C1orf21: variants seen among roughly 807,000 people sequenced by gnomAD.
C1orf21 encodes chromosome 1 open reading frame 21.
In C1orf21, 3 loss-of-function variants were observed where a neutral mutation model predicts 18.7. The ratio of observed to expected loss-of-function variants is 0.16; its 90% CI spans 0.07 to 0.42. The LOEUF (loss-of-function observed/expected upper bound fraction) is 0.42, where lower values mean the gene tolerates loss of function less well. C1orf21 is among the 10% of genes least tolerant of loss of function. C1orf21 has a pLI of 0.99. For synonymous variants in C1orf21, 41 were observed against 46.4 expected (o/e 0.88, Z 0.47); for missense variants, 104 against 143.6 (o/e 0.72, Z 1.41).
intron 1 of C1orf21, among the ~76,000 whole-genome samples, chr1:184,397,592 A>G (rs1211956906): frequency 1.2e-5 from 1 of 82,074 alleles, no homozygotes; most frequent in Non-Finnish European, 2.0e-5. Flanking sequence ...TCTGAAAAAG[A>G]AAAAAAAACA....
At chr1:184,394,723 G>A (rs745962779) in intron 1 of C1orf21, among the ~76,000 whole-genome samples, 3 of 152,136 alleles carry the variant, frequency 2.0e-5, no homozygotes, top group Admixed American at 6.5e-5. Context: ...TCAAAGTTCT[G>A]CCAAAAGCAG....
intron 3 of C1orf21, among the ~76,000 whole-genome samples, chr1:184,560,417 G>A (rs1658947242): frequency 1.3e-5 from 2 of 152,152 alleles, no homozygotes; most frequent in Admixed American, 1.3e-4. Context: ...AAGATGATGT[G>A]TGTCAACTCC....
intron 1 of C1orf21, among the ~76,000 whole-genome samples, chr1:184,396,569 C>T (rs181704466): frequency 1.3e-5 from 2 of 152,288 alleles, no homozygotes; most frequent in Admixed American, 1.3e-4. Flanking sequence ...TGTGTATGCT[C>T]TCTTAGAAGG....
chr1:184,517,163 T>A (rs1658242348), intron 3 of C1orf21, among the ~76,000 whole-genome samples: 1 of 152,238 alleles, frequency 6.6e-6, no homozygotes. Flanking sequence ...TTGTGAGGAA[T>A]AAAAGGCTTG....
intron 4 of C1orf21, among the ~76,000 whole-genome samples, chr1:184,597,523 A>G (rs751000520): frequency 1.3e-4 from 20 of 152,086 alleles, no homozygotes; most frequent in Non-Finnish European, 2.8e-4. Flanking sequence ...CCTCCTTCAG[A>G]CAGGACAACC....
Position 184,538,863 on chromosome 1 carries a change from T to C in C1orf21, c.189+31181T>C, listed in dbSNP as rs533073007. Among the ~76,000 whole-genome samples the C allele has an allele frequency of 1.1e-3, 168 of 152,380 alleles. 1 individual carries two copies. Among genetic ancestry groups the C allele is most frequent in the Middle Eastern group, 3.4e-3 (1 of 294 alleles). The stretch of plus-strand genomic sequence containing the variant: ...TGTTTTGATTATTGTAATTTTGTAA[T>C]TAAGTCATTTATTCTAACAGACTTT... On this transcript the variant is annotated intron_variant, in intron 3 of 5. Transcript: ENST00000235307.
At chr1:184,490,355 C>T (rs1204424858) in intron 2 of C1orf21, among the ~76,000 whole-genome samples, 2 of 152,094 alleles carry the variant, frequency 1.3e-5, no homozygotes, top group African/African-American at 4.8e-5. Context: ...TCTCTTTTTC[C>T]AAGGAGTGGG....
intron 3 of C1orf21, among the ~76,000 whole-genome samples, chr1:184,579,101 C>A (rs1659236493): frequency 6.6e-6 from 1 of 151,042 alleles, no homozygotes; most frequent in African/African-American, 2.4e-5. Flanking sequence ...GCAGTGGCTC[C>A]ATCTCGGCTC....
rs563172179 is a variant in C1orf21, at chr1:184,478,241, G to A, written c.94+638G>A. Among the ~76,000 whole-genome samples, 4 of 152,120 alleles carry A rather than the reference G, an allele frequency of 2.6e-5. No homozygotes were observed. The East Asian group carries it at 5.8e-4, about 22-fold the overall frequency. On this transcript the variant is annotated intron_variant, in intron 2 of 5. Transcript: ENST00000235307. ...GGAGTGAGGTGTTTTTTTTTAAAGT[G>A]TAATAGAGAGTGAATTATACATTTT...
At chr1:184,581,569 A>G (rs2101994953) in intron 3 of C1orf21, among the ~76,000 whole-genome samples, 1 of 152,292 alleles carries the variant, frequency 6.6e-6, no homozygotes, top group South Asian at 2.1e-4. Context: ...TGTATATAAT[A>G]CTTATTTGAA....
chr1:184,558,721 C>T (rs1658912544), intron 3 of C1orf21, among the ~76,000 whole-genome samples: 1 of 152,180 alleles, frequency 6.6e-6, no homozygotes, highest in Non-Finnish European at 1.5e-5. Context: ...GTTTCTTTCT[C>T]TGAAATAGTG....
chr1:184,484,572 G>C (rs1657705248), intron 2 of C1orf21, among the ~76,000 whole-genome samples: 1 of 152,214 alleles, frequency 6.6e-6, no homozygotes, highest in Non-Finnish European at 1.5e-5. Flanking sequence ...AGATGGCCAA[G>C]GAGCTGGAGG....
intron 5 of C1orf21, among the ~76,000 whole-genome samples, chr1:184,602,335 G>T (rs1659596041): frequency 6.6e-6 from 1 of 152,230 alleles, no homozygotes; most frequent in Admixed American, 6.5e-5. Flanking sequence ...TGTCAGGAGA[G>T]CAGTGAAAGT....
At chr1:184,482,159 T>C (rs1657668114) in intron 2 of C1orf21, among the ~76,000 whole-genome samples, 1 of 152,198 alleles carries the variant, frequency 6.6e-6, no homozygotes, top group African/African-American at 2.4e-5. Context: ...AGTTCATCTG[T>C]TGTTCTCTCC....
intron 1 of C1orf21, among the ~76,000 whole-genome samples, chr1:184,472,558 T>A (rs1657510322): frequency 6.6e-6 from 1 of 152,214 alleles, no homozygotes; most frequent in South Asian, 2.1e-4. Flanking sequence ...ATAGAAATAT[T>A]TTCCTGTAGC....
At chr1:184,557,628 A>G (rs1489438092) in intron 3 of C1orf21, among the ~76,000 whole-genome samples, 2 of 151,898 alleles carry the variant, frequency 1.3e-5, no homozygotes, top group Admixed American at 6.6e-5. Flanking sequence ...TACATACCAC[A>G]TTTTCTTTAT....
chr1:184,442,019 G>A (rs1460301925), intron 1 of C1orf21, among the ~76,000 whole-genome samples: 1 of 152,116 alleles, frequency 6.6e-6, no homozygotes, highest in Non-Finnish European at 1.5e-5. Context: ...AGTGTATCAT[G>A]GATTTTCAAG....
At chr1:184,431,076 G>A (rs1471690229) in intron 1 of C1orf21, among the ~76,000 whole-genome samples, 1 of 151,954 alleles carries the variant, frequency 6.6e-6, no homozygotes, top group Non-Finnish European at 1.5e-5. Context: ...CTCATGATTT[G>A]GCTGTCTATT....
chr1:184,427,166 A>G (rs1656655567), intron 1 of C1orf21, among the ~76,000 whole-genome samples: 1 of 152,070 alleles, frequency 6.6e-6, no homozygotes, highest in Non-Finnish European at 1.5e-5. Context: ...CTCACCAAGA[A>G]CTCCGTCAAA....
Sources: allele counts gnomAD v4.1 joint callset (sites outside exome capture counted in the v4.1 genomes callset), GRCh38; gene constraint gnomAD v4.1.1; transcripts MANE v1.5; gene names NCBI Gene and HGNC (gene_info 2026-07-23, HGNC 2026-07-21).